Variants in RFX1 observed in about 807,000 individuals in gnomAD.
RFX1 encodes MHC class II regulatory factor RFX1.
RFX1 carries 42 observed loss-of-function variants against 119.6 expected under a neutral mutation model. The observed-to-expected ratio is 0.35, with a 90% CI of 0.27 to 0.45. The LOEUF is 0.45. Among genes scored for constraint, RFX1 ranks in the 20% least tolerant of loss-of-function variants. The pLI is 1.00. For missense variants in RFX1, 1,118 were observed against 1,368.1 expected, an observed-to-expected ratio of 0.82 and a Z score of 2.88; for synonymous variants, 628 against 618.5, an observed-to-expected ratio of 1.02 and a Z score of -0.23.
At chr19:13,963,791 C>A in intron 17 of RFX1, 45 bp from the exon 18 acceptor site, 1 of 1,498,824 alleles carries the variant, frequency 6.7e-7, no homozygotes, top group Non-Finnish European at 8.9e-7. Flanking sequence ...CAGCCGCCGT[C>A]ACCCCCGCCT....
rs376946651 is a variant in RFX1 at position 13,978,069 on chromosome 19, C to A, written c.852G>T (p.Gln284His). 6.2e-7 allele frequency: 1 copy of A among 1,613,044 alleles called. No individual in the cohort carries two copies. Among genetic ancestry groups the A allele is most frequent in the African/African-American group, 1.3e-5 (1 of 74,934 alleles). Residue 284 changes from glutamine to histidine, a missense_variant, in exon 8 of 21, where the codon CAG (glutamine) becomes CAT (histidine). Gln to His is a conservative substitution (Grantham distance 24). Around this residue, in one of 5 missense-constraint regions of RFX1, gnomAD observed 542 missense variants for 602.7 expected, o/e 0.90. Transcript: ENST00000254325. Reference sequence around the variant, plus strand: ...TGGAGTACACGTGTGGGACGGGCACCTGCTGGAGCTGCTGCACCTGGGGCA... The same window carrying A: ...TGGAGTACACGTGTGGGACGGGCACATGCTGGAGCTGCTGCACCTGGGGCA... The part of the protein sequence containing the change: ...HVAQEVQQLQ[Q>H]VPVPHVYSSQ...
Position 13,972,851 on chromosome 19 carries a change from G to A in RFX1, c.1206C>T (p.Ser402=). The A allele has an allele frequency of 6.4e-7, 1 of 1,573,086 alleles. No individual in the cohort carries two copies. Among genetic ancestry groups the A allele is most frequent in the Non-Finnish European group, 8.6e-7 (1 of 1,162,740 alleles). The change falls in exon 9 of 21, where the codon AGC becomes AGT. Residue 402 remains serine (S), a synonymous_variant. Transcript: ENST00000254325. ...CTGCTCCGCTGCCGCCGCCTCCGGT[G>A]CTGCCACTGCCACCCCCGCCACCGC... The part of the protein sequence containing the change: ...GGGGGGGGSG[S]TGGGGSGAGT...
chr19:13,989,551 G>GAGAC (rs36065115), intron 2 of RFX1, among the ~76,000 whole-genome samples: 16,135 of 145,332 alleles, frequency 0.11, 1,092 homozygotes, highest in Non-Finnish European at 0.16. Flanking sequence ...GAGAGAGAGA[G>GAGAC]AGACAGACAG....
At chr19:13,988,024 CTTTTTTT>C (rs768766007) in intron 2 of RFX1, among the ~76,000 whole-genome samples, 4 of 134,482 alleles carry the variant, frequency 3.0e-5, no homozygotes, top group African/African-American at 5.7e-5. Context: ...ACTTCTTGCT[CTTTTTTT>C]TTTTTTTTTT....
At position 13,966,294 on chromosome 19, in the gene RFX1, G is replaced by A; in HGVS notation, c.1961+127C>T. The A allele has an allele frequency of 4.8e-6, 3 of 630,122 alleles. No homozygotes were observed. The highest frequency in any genetic ancestry group is 5.6e-6 in the Non-Finnish European group (2 of 354,754). 39.0% of individuals were successfully genotyped at this position (630,122 alleles called of 1,614,324 possible). On this transcript the variant is annotated intron_variant, in intron 14 of 20. Coordinates refer to ENST00000254325, the MANE Select transcript of RFX1 (RefSeq NM_002918.5). This position sits in a 1 kb window ranked among gnomAD's most constrained non-coding sequence, Gnocchi z 6.3. ...CGGGTGGCTATACACACTCCACACA[G>A]CCAAGGATATGTGTACCCCACAAAC...
rs371440245 is a variant in RFX1, at chr19:13,968,972, C to T, written c.1497-78G>A. ...GCCATGGAGCACCTCACAGCACACC[C>T]GTCTCCTCTCTGTTAGGAGAATGGA... On this transcript the variant is annotated intron_variant, in intron 10 of 20. Coordinates refer to ENST00000254325, the MANE Select transcript of RFX1 (RefSeq NM_002918.5). The surrounding 1 kb of genome is among the most constrained non-coding windows in gnomAD (Gnocchi z 5.5). The T allele has an allele frequency of 7.6e-5, 112 of 1,464,172 alleles. No individual in the cohort carries two copies. The South Asian group carries it at 8.0e-4, about 10-fold the overall frequency. The allele number at this position is 1,464,172 out of a possible 1,614,324, so 90.7% of individuals were successfully genotyped here. A position where few individuals can be genotyped will look rare whatever the true frequency, so the allele number is the denominator to read the frequency against.
intron 9 of RFX1, among the ~76,000 whole-genome samples, chr19:13,972,486 G>A (rs1309319938): frequency 6.6e-6 from 1 of 152,164 alleles, no homozygotes; most frequent in Non-Finnish European, 1.5e-5. Context: ...GAGCCACAGC[G>A]CCCAGCCAAC....
At chr19:14,000,940 T>C (rs894289031) in intron 1 of RFX1, among the ~76,000 whole-genome samples, 5 of 150,908 alleles carry the variant, frequency 3.3e-5, no homozygotes, top group African/African-American at 1.2e-4. Flanking sequence ...GACAAAAAAA[T>C]TTTAAAAATT....
intron 8 of RFX1, among the ~76,000 whole-genome samples, chr19:13,974,832 G>A (rs1379881354): frequency 1.3e-5 from 2 of 152,022 alleles, no homozygotes; most frequent in Non-Finnish European, 2.9e-5. Flanking sequence ...GATCACTTGA[G>A]GTCAGGAGTT....
intron 7 of RFX1, 91 bp from the exon 8 acceptor site, chr19:13,978,177 C>A: frequency 1.1e-6 from 1 of 915,056 alleles, no homozygotes; most frequent in Non-Finnish European, 1.7e-6. Flanking sequence ...CAGGCTATCC[C>A]TGACGCCCAG....
At chr19:13,975,920 G>A (rs755212430) in intron 8 of RFX1, among the ~76,000 whole-genome samples, 30 of 152,160 alleles carry the variant, frequency 2.0e-4, no homozygotes, top group Non-Finnish European at 2.9e-4. Flanking sequence ...ACAACTTCTC[G>A]TAGCAGAAAA....
At position 13,963,680 on chromosome 19, in the gene RFX1, C is replaced by A. The variant is rs201362842; in HGVS notation, c.2428G>T (p.Val810Leu). ...VVQRLEQDFK[V>L]TLQQQNSLEQ... ...AGCGAGTTCTGCTGCTGCAGCGTCA[C>A]CTTGAAGTCCTGCTCCAGCCGCTGC... The change falls in exon 18 of 21, where the codon GTG (valine) becomes TTG (leucine). Residue 810 changes from valine to leucine, a missense_variant. Val to Leu is a conservative substitution (Grantham distance 32, BLOSUM62 1). This residue lies in a region of RFX1 where 68 missense variants were observed against 67.2 expected (regional missense o/e 1.01). Coordinates refer to ENST00000254325, the MANE Select transcript of RFX1 (RefSeq NM_002918.5). 40 of 1,604,706 alleles carry A rather than the reference C, an allele frequency of 2.5e-5. No homozygotes were observed. Among genetic ancestry groups the A allele is most frequent in the Non-Finnish European group, 3.4e-5 (40 of 1,177,974 alleles).
intron 1 of RFX1, among the ~76,000 whole-genome samples, chr19:14,002,299 A>C (rs1975242629): frequency 7.4e-6 from 1 of 135,762 alleles, no homozygotes; most frequent in Non-Finnish European, 1.6e-5. Context: ...TGGATGACAG[A>C]GTGAGACTCT....
rs1974886261 is a variant in RFX1, at chr19:13,993,726, G to A, written c.118C>T (p.Pro40Ser). The change falls in exon 2 of 21, where the codon CCC (proline) becomes TCC (serine). Residue 40 changes from proline (P) to serine (S), a missense_variant. Pro to Ser is a moderately conservative substitution (Grantham distance 74). This residue lies in a region of RFX1 where 542 missense variants were observed against 602.7 expected (regional missense o/e 0.90). Coordinates refer to ENST00000254325, the MANE Select transcript of RFX1 (RefSeq NM_002918.5). ...PPPPPPAAPQ[P>S]PQPPTAAATP... ...GCAGCAGCGGTGGGTGGCTGCGGGG[G>A]CTGGGGTGCCGCTGGGGGTGGTGGC... 2 of 1,584,968 alleles carry A rather than the reference G, an allele frequency of 1.3e-6. No homozygotes were observed. The highest frequency in any genetic ancestry group is 2.3e-5 in the East Asian group (1 of 44,222).
chr19:13,971,583 GC>G (rs1568462573), intron 9 of RFX1, among the ~76,000 whole-genome samples: 1 of 152,108 alleles, frequency 6.6e-6, no homozygotes. Context: ...GGCAGTGCTG[GC>G]TTCTCTCTGC....
At position 13,966,504 on chromosome 19, in the gene RFX1, C is replaced by T; in HGVS notation, c.1878G>A (p.Leu626=). 3 of 1,582,068 alleles carry T rather than the reference C, an allele frequency of 1.9e-6. No homozygotes were observed. The highest frequency in any genetic ancestry group is 1.1e-5 in the South Asian group (1 of 88,378). ...CEAIVDVMVN[L]QFTLVETLWK... ...ACAGCGTCTCCACCAGGGTGAACTG[C>T]AGGTTCACCATGACGTCGACAATGG... Residue 626 remains leucine, a synonymous_variant, in exon 14 of 21, where the codon CTG becomes CTA. Transcript: ENST00000254325. This position sits in a 1 kb window ranked among gnomAD's most constrained non-coding sequence, Gnocchi z 6.3.
In RFX1 at chr19:13,985,764, C is replaced by T. The variant is rs753676551; in HGVS notation, c.320-2169G>A. Among the ~76,000 whole-genome samples the T allele has an allele frequency of 2.0e-5, 3 of 152,094 alleles. No individual in the cohort carries two copies. The highest frequency in any genetic ancestry group is 6.6e-5 in the Admixed American group (1 of 15,264). On this transcript the variant is annotated intron_variant, in intron 2 of 20. Transcript: ENST00000254325. This position sits in a 1 kb window ranked among gnomAD's most constrained non-coding sequence, Gnocchi z 4.3. ...AGTCTGAAGTATCCAGACTGGGTCTCGGCTGTCCAGGCAGGGCACAGGAGG... is the reference window on the plus strand; with the variant it reads ...AGTCTGAAGTATCCAGACTGGGTCTTGGCTGTCCAGGCAGGGCACAGGAGG...
rs1450591465 is a variant in RFX1, at chr19:13,992,911, C to T, written c.319+614G>A. ...CTTTGGGAGGCTATGGCAGGAGGAT[C>T]GCTTGAGTCCAGGAGTTTGAGACCA... is the stretch of plus-strand genomic sequence containing the variant. On this transcript the variant is annotated intron_variant, in intron 2 of 20. Transcript: ENST00000254325. Among the ~76,000 whole-genome samples the T allele has an allele frequency of 2.6e-5, 4 of 152,144 alleles. No individual in the cohort carries two copies. In the East Asian group the frequency reaches 5.8e-4, roughly 22 times the overall value.
chr19:13,996,931 T>C (rs1367315406), intron 1 of RFX1, among the ~76,000 whole-genome samples: 4 of 152,074 alleles, frequency 2.6e-5, no homozygotes, highest in Non-Finnish European at 4.4e-5. Context: ...ACCATGTTGG[T>C]TGGGCAGGTC....
Sources: gnomAD v4.1 joint callset for allele counts (sites outside exome capture counted in the v4.1 genomes callset) on GRCh38, gnomAD v4.1.1 for gene constraint, gnomAD v4.1.1 regional missense constraint, Gnocchi (gnomAD v3.1) non-coding constraint, MANE v1.5 for transcripts, NCBI Gene and HGNC (gene_info 2026-07-23, HGNC 2026-07-21) for gene names.